Variants in HS2ST1 observed in about 807,000 individuals in gnomAD.
HS2ST1 encodes the protein 2-O-sulfotransferase.
In HS2ST1, 18 loss-of-function variants were observed where a neutral mutation model predicts 42.9. The observed-to-expected ratio is 0.42, with a 90% confidence interval of 0.29 to 0.62. The LOEUF is 0.62. Ranked by LOEUF, HS2ST1 falls within the 20% of genes least tolerant of loss-of-function variation. The pLI is 0.21. For missense variants in HS2ST1, 334 were observed against 433.8 expected (o/e 0.77, Z 2.04); for synonymous variants, 146 against 152.9 (o/e 0.95, Z 0.33).
At chr1:86,929,291 A>G (rs534136215) in intron 1 of HS2ST1, among the ~76,000 whole-genome samples, 1 of 151,844 alleles carries the variant, frequency 6.6e-6, no homozygotes, top group Non-Finnish European at 1.5e-5. Context: ...TTGGTGCTGT[A>G]GTTTTTCCCA....
chr1:87,016,633 G>A (rs183466353), intron 1 of HS2ST1, among the ~76,000 whole-genome samples: 1 of 152,266 alleles, frequency 6.6e-6, no homozygotes, highest in East Asian at 1.9e-4. Context: ...TAATATAGAA[G>A]TGAAGTTGGT....
At chr1:87,002,514 A>C (rs1345265913) in intron 1 of HS2ST1, among the ~76,000 whole-genome samples, 1 of 151,626 alleles carries the variant, frequency 6.6e-6, no homozygotes, top group Non-Finnish European at 1.5e-5. Context: ...AGGATCACCC[A>C]AGCCTGGGAG....
intron 4 of HS2ST1, among the ~76,000 whole-genome samples, chr1:87,096,056 A>C (rs1158252244): frequency 6.6e-6 from 1 of 150,394 alleles, no homozygotes; most frequent in Non-Finnish European, 1.5e-5. Context: ...TTTGCTCCTG[A>C]ATTCAATTTG....
intron 1 of HS2ST1, among the ~76,000 whole-genome samples, chr1:86,918,976 T>C (rs945717699): frequency 1.1e-4 from 16 of 151,086 alleles, no homozygotes; most frequent in African/African-American, 3.9e-4. Flanking sequence ...TTTTATTTAT[T>C]TATTTATTTA....
intron 1 of HS2ST1, among the ~76,000 whole-genome samples, chr1:87,044,639 C>A (rs1570507874): frequency 6.6e-6 from 1 of 152,058 alleles, no homozygotes. Flanking sequence ...GTTAATGATA[C>A]CTAAGGGTAT....
chr1:87,052,585 C>T (rs1346137460), intron 1 of HS2ST1, among the ~76,000 whole-genome samples: 1 of 152,082 alleles, frequency 6.6e-6, no homozygotes, highest in Non-Finnish European at 1.5e-5. Flanking sequence ...GATGGTACAG[C>T]ATGCTTTAAA....
intron 2 of HS2ST1, 112 bp downstream of exon 2, chr1:87,073,284 T>C: frequency 1.3e-6 from 1 of 743,900 alleles, no homozygotes; most frequent in Admixed American, 2.1e-5. Flanking sequence ...TCTCAGTGGA[T>C]CATAAGCCTT....
At chr1:87,052,226 C>T (rs1650852990) in intron 1 of HS2ST1, among the ~76,000 whole-genome samples, 1 of 152,120 alleles carries the variant, frequency 6.6e-6, no homozygotes, top group Non-Finnish European at 1.5e-5. Flanking sequence ...GCACTGCAGG[C>T]TAGGTGACAG....
chr1:87,083,826 T>C lies in HS2ST1; in HGVS notation c.364-368T>C, dbSNP rs531371417. On this transcript the variant is annotated intron_variant, in intron 2 of 6. Coordinates refer to ENST00000370550, the MANE Select transcript of HS2ST1 (RefSeq NM_012262.4). ...GCCTCTGAGAAGAAAACATTTGATA[T>C]GCTGGAATGTTCCTGTATTGCCTGC... Among the ~76,000 whole-genome samples, 8 of 152,318 alleles carry C rather than the reference T, an allele frequency of 5.3e-5. No individual in the cohort carries two copies. The East Asian group carries it at 1.5e-3, about 29-fold the overall frequency.
At chr1:86,970,986 A>C (rs920575612) in intron 1 of HS2ST1, among the ~76,000 whole-genome samples, 12 of 152,336 alleles carry the variant, frequency 7.9e-5, no homozygotes, top group African/African-American at 2.9e-4. Context: ...TCTTCTACTG[A>C]TGCCAGATCA....
chr1:87,021,337 A>G (rs1649943693), intron 1 of HS2ST1, among the ~76,000 whole-genome samples: 1 of 152,130 alleles, frequency 6.6e-6, no homozygotes, highest in Non-Finnish European at 1.5e-5. Context: ...CCTCTAGTCA[A>G]TATTTGTAGG....
intron 1 of HS2ST1, among the ~76,000 whole-genome samples, chr1:86,949,579 A>G (rs186645989): frequency 2.0e-5 from 3 of 152,286 alleles, no homozygotes; most frequent in African/African-American, 7.2e-5. Context: ...CAGAAAAGAG[A>G]AAAAAAGATT....
chr1:86,976,104 G>A (rs1342342521), intron 1 of HS2ST1, among the ~76,000 whole-genome samples: 1 of 152,190 alleles, frequency 6.6e-6, no homozygotes, highest in Admixed American at 6.5e-5. Flanking sequence ...ATCTATAGCA[G>A]AAACATAGTT....
chr1:86,971,526 T>C (rs1224384462), intron 1 of HS2ST1, among the ~76,000 whole-genome samples: 1 of 152,224 alleles, frequency 6.6e-6, no homozygotes, highest in Non-Finnish European at 1.5e-5. Flanking sequence ...GTTAGATGTC[T>C]AGTCTTATAT....
At chr1:86,981,578 T>G (rs1648591797) in intron 1 of HS2ST1, among the ~76,000 whole-genome samples, 1 of 152,224 alleles carries the variant, frequency 6.6e-6, no homozygotes, top group African/African-American at 2.4e-5. Flanking sequence ...ATAGGCTCCA[T>G]GCAAGTCAGA....
intron 4 of HS2ST1, 124 bp from the exon 5 acceptor site, chr1:87,097,714 A>G (rs1652102071): frequency 1.8e-6 from 2 of 1,126,886 alleles, no homozygotes; most frequent in Non-Finnish European, 2.5e-6. Context: ...CATGACTCCA[A>G]AAAAAATAAG....
rs776006667 is a variant in HS2ST1, at chr1:87,108,228, C to G, written c.*3532C>G. ...GAGAATTTAACTAAAAGCTGGTTCC[C>G]AAATGCATAGCTGGCATTTTAATTT... On this transcript the variant is annotated 3_prime_UTR_variant, in exon 7 of 7. Transcript: ENST00000370550. The G allele has an allele frequency of 1.3e-5, 2 of 152,056 alleles. No individual in the cohort carries two copies. The highest frequency in any genetic ancestry group is 2.9e-5 in the Non-Finnish European group (2 of 67,954). The allele number at this position is 152,056 out of a possible 1,614,324, so 9.4% of individuals were successfully genotyped here.
At chr1:86,972,285 A>G in intron 1 of HS2ST1, among the ~76,000 whole-genome samples, 1 of 152,200 alleles carries the variant, frequency 6.6e-6, no homozygotes, top group Non-Finnish European at 1.5e-5. Flanking sequence ...GTATAATAAA[A>G]TATTTTGAGA....
chr1:86,929,195 G>T (rs1023431454), intron 1 of HS2ST1, among the ~76,000 whole-genome samples: 1 of 151,826 alleles, frequency 6.6e-6, no homozygotes, highest in Non-Finnish European at 1.5e-5. Flanking sequence ...GTTATAAATT[G>T]TTATTAATAA....
Sources: gnomAD v4.1 joint callset for allele counts (sites outside exome capture counted in the v4.1 genomes callset) on GRCh38, gnomAD v4.1.1 for gene constraint, MANE v1.5 for transcripts, NCBI Gene and HGNC (gene_info 2026-07-23, HGNC 2026-07-21) for gene names.